Variants in NBDY observed in about 807,000 individuals in gnomAD.
The protein encoded by NBDY is P-body dissociating protein.
intron 2 of NBDY, among the ~76,000 whole-genome samples, chrX:56,763,514 A>AC (rs1311377849): frequency 4.5e-5 from 5 of 112,038 alleles, no homozygotes. Flanking sequence ...CTTTCGTAGG[A>AC]CCCCCAGTCC....
intron 2 of NBDY, among the ~76,000 whole-genome samples, chrX:56,811,535 C>T (rs2069886739): frequency 8.9e-6 from 1 of 112,081 alleles, no homozygotes; most frequent in Non-Finnish European, 1.9e-5. Flanking sequence ...TCGAACTTTC[C>T]AGCAGCTTTG....
intron 2 of NBDY, among the ~76,000 whole-genome samples, chrX:56,764,716 A>AAG (rs2069656844): frequency 9.2e-6 from 1 of 108,141 alleles, no homozygotes; most frequent in African/African-American, 3.3e-5. Flanking sequence ...AAAAAAAAAA[A>AAG]AAAAAAGAAA....
At chrX:56,787,285 G>A (rs1555994) in intron 2 of NBDY, among the ~76,000 whole-genome samples, 10,458 of 109,091 alleles carry the variant, frequency 0.096, 1,136 homozygotes, top group African/African-American at 0.3. Context: ...AAACACACAC[G>A]TTAAACAAGC....
chrX:56,811,736 GCTTCA>G (rs2069887865), intron 2 of NBDY, among the ~76,000 whole-genome samples: 1 of 111,860 alleles, frequency 8.9e-6, no homozygotes, highest in Non-Finnish European at 1.9e-5. Flanking sequence ...TGGCCCCCTG[GCTTCA>G]GCCTCCTTTC....
In NBDY at chrX:56,801,151, G is replaced by A. The variant is rs540036029; in HGVS notation, c.*167-16169G>A. Among the ~76,000 whole-genome samples the A allele has an allele frequency of 4.5e-5, 5 of 111,461 alleles. 1 individual carries two copies. Among genetic ancestry groups the A allele is most frequent in the African/African-American group, 1.6e-4 (5 of 30,655 alleles). On this transcript the variant is annotated intron_variant, in intron 2 of 2. Transcript: ENST00000374922. ...AGAACCCATCAACAAGAAGCTTCTT[G>A]GTGTTGTGTCCTTTCACCGGGACAT...
chrX:56,733,084 A>G (rs1200192408), intron 2 of NBDY, among the ~76,000 whole-genome samples: 1 of 110,817 alleles, frequency 9.0e-6, no homozygotes, highest in Non-Finnish European at 1.9e-5. Flanking sequence ...ATAAGAATTT[A>G]GAACTATAAA....
chrX:56,815,630 C>G (rs994290122), intron 2 of NBDY, among the ~76,000 whole-genome samples: 6 of 111,941 alleles, frequency 5.4e-5, no homozygotes, highest in Non-Finnish European at 1.1e-4. Context: ...CAATTGGAAA[C>G]TGTCTCAGTT....
rs151288489 is a variant in NBDY, at chrX:56,785,781, A to G, written c.*167-31539A>G. ...GGGCTGCCAGCTATTCATTTGGTGC[A>G]CTCTGCATTCCAGTTCCCTCTCAAC... is the stretch of plus-strand genomic sequence containing the variant. On this transcript the variant is annotated intron_variant, in intron 2 of 2. Coordinates refer to ENST00000374922, the MANE Select transcript of NBDY (RefSeq NM_001348129.2). 8.0e-3 allele frequency among the ~76,000 whole-genome samples: 888 copies of G among 110,685 alleles called. 10 individuals carry two copies. Among genetic ancestry groups the G allele is most frequent in the African/African-American group, 0.028 (844 of 30,258 alleles).
chrX:56,765,715 CTCCTCCTCCAACTCCTTCTTATCT>C (rs2069662010), intron 2 of NBDY, among the ~76,000 whole-genome samples: 1 of 110,497 alleles, frequency 9.1e-6, no homozygotes, highest in African/African-American at 3.3e-5. Flanking sequence ...CCTCTTGCTC[CTCCTCCTCCAACTCCTTCTTATCT>C]TCCTACTCCT....
intron 2 of NBDY, among the ~76,000 whole-genome samples, chrX:56,803,200 G>A (rs780201897): frequency 1.8e-5 from 2 of 111,716 alleles, no homozygotes; most frequent in East Asian, 5.6e-4. Flanking sequence ...CTCATTACCA[G>A]GATGGCACCC....
intron 2 of NBDY, among the ~76,000 whole-genome samples, chrX:56,763,514 A>T (rs2069648903): frequency 8.9e-6 from 1 of 112,038 alleles, no homozygotes; most frequent in South Asian, 3.7e-4. Context: ...CTTTCGTAGG[A>T]CCCCCAGTCC....
intron 2 of NBDY, among the ~76,000 whole-genome samples, chrX:56,751,529 T>A (rs1487362798): frequency 8.9e-6 from 1 of 112,083 alleles, no homozygotes; most frequent in Non-Finnish European, 1.9e-5. Flanking sequence ...TATGGTGGTA[T>A]AAGTCATAGT....
chrX:56,767,357 C>A (rs777924697), intron 2 of NBDY, among the ~76,000 whole-genome samples: 1 of 113,307 alleles, frequency 8.8e-6, no homozygotes, highest in Non-Finnish European at 1.9e-5. Context: ...CGCTCGCTCT[C>A]GGCGCCCCCT....
chrX:56,815,894 C>A (rs1460129811), intron 2 of NBDY, among the ~76,000 whole-genome samples: 1 of 111,667 alleles, frequency 9.0e-6, no homozygotes, highest in Non-Finnish European at 1.9e-5. Context: ...CTTTTAACAT[C>A]TTTTAACCTC....
intron 2 of NBDY, among the ~76,000 whole-genome samples, chrX:56,744,288 G>T (rs367774455): frequency 8.1e-5 from 9 of 111,637 alleles, no homozygotes; most frequent in East Asian, 2.8e-4. Flanking sequence ...CTGAGGAAAA[G>T]AATGTATATT....
chrX:56,740,038 C>T (rs1386512219), intron 2 of NBDY, among the ~76,000 whole-genome samples: 1 of 110,680 alleles, frequency 9.0e-6, no homozygotes, highest in Non-Finnish European at 1.9e-5. Context: ...TTAAAAATAC[C>T]CTATTGTTAT....
intron 2 of NBDY, among the ~76,000 whole-genome samples, chrX:56,732,424 T>C (rs2069464306): frequency 8.9e-6 from 1 of 112,075 alleles, no homozygotes; most frequent in African/African-American, 3.2e-5. Context: ...CTGTGAAATA[T>C]ATCATCTTTT....
Position 56,817,964 on chromosome X carries a change from T to A in NBDY, c.*811T>A, listed in dbSNP as rs1450986610. ...TGCTTAGTATTGAACAAATAGAATATCCTAATTAAAAACAGTAATAAATAT... is the reference window on the plus strand; with the variant it reads ...TGCTTAGTATTGAACAAATAGAATAACCTAATTAAAAACAGTAATAAATAT... On this transcript the variant is annotated 3_prime_UTR_variant, in exon 3 of 3. Transcript: ENST00000374922. 1.8e-5 allele frequency: 2 copies of A among 111,354 alleles called. No individual in the cohort carries two copies. Among genetic ancestry groups the A allele is most frequent in the Non-Finnish European group, 3.8e-5 (2 of 52,995 alleles). The allele number at this position is 111,354 out of a possible 1,213,427, so 9.2% of individuals were successfully genotyped here.
Position 56,818,657 on chromosome X carries a change from G to T in NBDY, c.*1504G>T, listed in dbSNP as rs2069921338. ...CAATGCAACCCTTATCAAAATTAAG[G>T]TTGCCTACTTTGAAGAAATTTATAA... On this transcript the variant is annotated 3_prime_UTR_variant, in exon 3 of 3. Coordinates refer to ENST00000374922, the MANE Select transcript of NBDY (RefSeq NM_001348129.2). 1 of 111,652 alleles carries T rather than the reference G, an allele frequency of 9.0e-6. No homozygotes were observed. Among genetic ancestry groups the T allele is most frequent in the South Asian group, 3.7e-4 (1 of 2,691 alleles). 9.2% of individuals were successfully genotyped at this position (111,652 alleles called of 1,213,427 possible). A position where few individuals can be genotyped will look rare whatever the true frequency, so the allele number is the denominator to read the frequency against.
Sources: allele counts gnomAD v4.1 joint callset (sites outside exome capture counted in the v4.1 genomes callset), GRCh38; gene constraint gnomAD v4.1.1; transcripts MANE v1.5; gene names NCBI Gene and HGNC (gene_info 2026-07-23, HGNC 2026-07-21).